Variants in KCNMA1 observed in about 807,000 individuals in gnomAD.
KCNMA1 encodes Calcium-activated potassium channel subunit alpha-1.
In KCNMA1, 29 loss-of-function variants were observed where a neutral mutation model predicts 140.0. The ratio of observed to expected loss-of-function variants is 0.21; its 90% CI spans 0.15 to 0.28. The LOEUF is 0.28. Among genes scored for constraint, KCNMA1 ranks in the 10% least tolerant of loss-of-function variants. The pLI, the probability that KCNMA1 is intolerant of heterozygous loss-of-function variation, is 1.00. For missense variants in KCNMA1, 880 were observed against 1,602.2 expected, an observed-to-expected ratio of 0.55 and a Z score of 7.70; for synonymous variants, 612 against 611.9, an observed-to-expected ratio of 1.00 and a Z score of 0.00.
intron 3 of KCNMA1, among the ~76,000 whole-genome samples, chr10:77,248,789 T>A (rs1428749953): frequency 6.6e-6 from 1 of 152,166 alleles, no homozygotes; most frequent in Non-Finnish European, 1.5e-5. Flanking sequence ...TTCCTGGAAA[T>A]CTATGGACTT....
intron 19 of KCNMA1, chr10:76,975,323 AC>A (rs764750457): frequency 6.6e-6 from 1 of 152,218 alleles, no homozygotes; most frequent in Non-Finnish European, 1.5e-5. Context: ...TCAAAGTCTT[AC>A]GGCATGGCCA....
chr10:77,044,179 C>T (rs547817035), intron 14 of KCNMA1, among the ~76,000 whole-genome samples: 77 of 152,264 alleles, frequency 5.1e-4, no homozygotes, highest in Middle Eastern at 3.4e-3. Flanking sequence ...CATCATAGTG[C>T]ATCACAAACT....
chr10:77,032,219 C>A (rs889190342), intron 15 of KCNMA1, among the ~76,000 whole-genome samples: 15 of 152,150 alleles, frequency 9.9e-5, no homozygotes, highest in African/African-American at 3.6e-4. Context: ...AATATATATA[C>A]TTTCAGTATA....
At chr10:77,132,514 C>G (rs2097885590) in intron 5 of KCNMA1, among the ~76,000 whole-genome samples, 1 of 146,702 alleles carries the variant, frequency 6.8e-6, no homozygotes, top group Admixed American at 7.2e-5. Context: ...AAGTGTCCAG[C>G]AGGTTAAATT....
chr10:77,268,788 A>G (rs1240344837), intron 2 of KCNMA1, among the ~76,000 whole-genome samples: 1 of 152,152 alleles, frequency 6.6e-6, no homozygotes, highest in Admixed American at 6.5e-5. Context: ...AGGAAAACTT[A>G]AGACCATGCA....
chr10:77,463,385 C>T lies in KCNMA1; in HGVS notation c.379-59362G>A, dbSNP rs143867810. 3.3e-3 allele frequency among the ~76,000 whole-genome samples: 496 copies of T among 152,206 alleles called. 2 individuals are homozygous for T. The highest frequency in any genetic ancestry group is 0.011 in the African/African-American group (470 of 41,526). ...GCTTCTATAAAACGGGGTGAATAAC[C>T]TTTGCCTCCTAAATACCAAGGATAC... On this transcript the variant is annotated intron_variant, in intron 1 of 27. Coordinates refer to ENST00000286628, the MANE Select transcript of KCNMA1 (RefSeq NM_001161352.2).
At chr10:77,493,470 G>C (rs952495758) in intron 1 of KCNMA1, among the ~76,000 whole-genome samples, 1 of 152,262 alleles carries the variant, frequency 6.6e-6, no homozygotes, top group Admixed American at 6.5e-5. Flanking sequence ...GGCGTCAAGC[G>C]TGAGTTGGAG....
At chr10:77,478,767 T>C (rs2098328495) in intron 1 of KCNMA1, among the ~76,000 whole-genome samples, 1 of 152,196 alleles carries the variant, frequency 6.6e-6, no homozygotes, top group African/African-American at 2.4e-5. Flanking sequence ...TGAGGTAATG[T>C]ACATAACCCT....
chr10:77,424,467 A>G (rs2096932842), intron 1 of KCNMA1, among the ~76,000 whole-genome samples: 2 of 152,046 alleles, frequency 1.3e-5, no homozygotes, highest in Non-Finnish European at 2.9e-5. Context: ...ACTGCTATAT[A>G]CCCATAGTGG....
At position 77,637,644 on chromosome 10, in the gene KCNMA1, G is replaced by A. The variant is rs1203507004; in HGVS notation, c.-2C>T. On this transcript the variant is annotated 5_prime_UTR_variant, in exon 1 of 28. Transcript: ENST00000286628. ...GCCGCCGCCGCCACCATTTGCCATA[G>A]CTAGCAACGGGCAGCCGGCGCAGGG... The A allele has an allele frequency of 2.1e-5, 31 of 1,510,870 alleles. No individual in the cohort carries two copies. The East Asian group carries it at 5.2e-4, about 26-fold the overall frequency. 93.6% of individuals were successfully genotyped at this position (1,510,870 alleles called of 1,614,324 possible).
chr10:77,202,214 G>T (rs1302645205), intron 3 of KCNMA1, among the ~76,000 whole-genome samples: 1 of 152,104 alleles, frequency 6.6e-6, no homozygotes, highest in African/African-American at 2.4e-5. Flanking sequence ...ATAAAAGAGG[G>T]ATAAGAAACC....
chr10:77,534,168 A>G (rs2154553517), intron 1 of KCNMA1, among the ~76,000 whole-genome samples: 1 of 152,354 alleles, frequency 6.6e-6, no homozygotes, highest in Non-Finnish European at 1.5e-5. Context: ...AGATAAAATC[A>G]TTAGGAAAAC....
chr10:77,096,250 G>A (rs1257499718), intron 9 of KCNMA1, among the ~76,000 whole-genome samples: 4 of 152,132 alleles, frequency 2.6e-5, no homozygotes, highest in Non-Finnish European at 4.4e-5. Flanking sequence ...ACTGGGGGGC[G>A]AGTTCTCAGT....
At chr10:77,532,216 C>A (rs183837013) in intron 1 of KCNMA1, among the ~76,000 whole-genome samples, 128 of 152,338 alleles carry the variant, frequency 8.4e-4, no homozygotes, top group Non-Finnish European at 2.2e-4. Flanking sequence ...CGATGAGAAT[C>A]CCCCCGTGTG....
At chr10:77,205,826 A>G (rs151288481) in intron 3 of KCNMA1, among the ~76,000 whole-genome samples, 1,870 of 152,352 alleles carry the variant, frequency 0.012, 18 homozygotes, top group Middle Eastern at 0.027. Context: ...CGACTTTTTA[A>G]AAGTCTATGA....
intron 5 of KCNMA1, among the ~76,000 whole-genome samples, chr10:77,144,938 C>T (rs903192248): frequency 1.3e-5 from 2 of 152,194 alleles, no homozygotes; most frequent in Non-Finnish European, 2.9e-5. Context: ...GACGAACTAT[C>T]CAGATTAAAG....
At chr10:77,509,141 G>C (rs2047412844) in intron 1 of KCNMA1, among the ~76,000 whole-genome samples, 1 of 141,036 alleles carries the variant, frequency 7.1e-6, no homozygotes, top group African/African-American at 2.6e-5. Flanking sequence ...GTTGTTGTTT[G>C]ACAGAGTATC....
At chr10:77,363,128 T>TG (rs2094116841) in intron 2 of KCNMA1, among the ~76,000 whole-genome samples, 1 of 151,772 alleles carries the variant, frequency 6.6e-6, no homozygotes, top group Admixed American at 6.6e-5. Context: ...TTATTTTTTT[T>TG]TTCTGAAAAA....
At chr10:77,272,857 T>C (rs1352934939) in intron 2 of KCNMA1, among the ~76,000 whole-genome samples, 1 of 152,170 alleles carries the variant, frequency 6.6e-6, no homozygotes, top group Non-Finnish European at 1.5e-5. Flanking sequence ...GCACACTACA[T>C]TTAAAATGGC....
Sources: gnomAD v4.1 joint callset for allele counts (sites outside exome capture counted in the v4.1 genomes callset) on GRCh38, gnomAD v4.1.1 for gene constraint, MANE v1.5 for transcripts, NCBI Gene and HGNC (gene_info 2026-07-23, HGNC 2026-07-21) for gene names.